Variants in RAP1GAP2 observed in about 807,000 individuals in gnomAD.
RAP1GAP2 encodes the protein RAP1 GTPase activating protein 2, also known as rap1 GTPase-activating protein 2.
In RAP1GAP2, 27 loss-of-function variants were observed where a neutral mutation model predicts 95.0. The observed-to-expected ratio is 0.28, with a 90% CI of 0.21 to 0.39. The LOEUF is 0.39. Among genes scored for constraint, RAP1GAP2 ranks in the 10% least tolerant of loss-of-function variants. The pLI is 1.00. For synonymous variants in RAP1GAP2, 373 were observed against 380.9 expected (o/e 0.98, Z 0.24); for missense variants, 771 against 970.0 (o/e 0.79, Z 2.72).
chr17:2,950,061 C>CTTCTTCTT (rs1555575129), intron 3 of RAP1GAP2, among the ~76,000 whole-genome samples: 14 of 141,298 alleles, frequency 9.9e-5, no homozygotes, highest in Admixed American at 1.4e-4. Context: ...TCTTCTTCTT[C>CTTCTTCTT]TTTTTTTTTT....
At position 3,032,732 on chromosome 17, in the gene RAP1GAP2, G is replaced by A. The variant is rs542640922; in HGVS notation, c.*30+283G>A. Among the ~76,000 whole-genome samples, 30 of 149,290 alleles carry A rather than the reference G, an allele frequency of 2.0e-4. No individual in the cohort carries two copies. In the East Asian group the frequency reaches 5.2e-3, roughly 26 times the overall value. Reference sequence around the variant, plus strand: ...GGTTCCCGCAGGCAGAAGGGGAGTCGCCCAAGCCCGCTTCTGACCCAGGAG... The same window carrying A: ...GGTTCCCGCAGGCAGAAGGGGAGTCACCCAAGCCCGCTTCTGACCCAGGAG... On this transcript the variant is annotated intron_variant, in intron 24 of 24. Transcript: ENST00000254695.
At chr17:2,811,324 T>G (rs1049174651) in intron 2 of RAP1GAP2, among the ~76,000 whole-genome samples, 2 of 152,162 alleles carry the variant, frequency 1.3e-5, no homozygotes, top group African/African-American at 4.8e-5. Context: ...GCTGAGACCC[T>G]GAGCAGGGGT....
intron 1 of RAP1GAP2, among the ~76,000 whole-genome samples, chr17:2,761,550 C>T (rs745540271): frequency 4.0e-5 from 6 of 151,110 alleles, no homozygotes; most frequent in Non-Finnish European, 7.4e-5. Context: ...GGCCTCCCAA[C>T]GTGCTGGGAT....
chr17:2,792,638 G>A (rs1052699433), upstream of RAP1GAP2, among the ~76,000 whole-genome samples: 2 of 152,212 alleles, frequency 1.3e-5, no homozygotes, highest in Non-Finnish European at 2.9e-5. Context: ...GGATCCCAGC[G>A]GCATCGAAGA....
intron 1 of RAP1GAP2, among the ~76,000 whole-genome samples, chr17:2,758,171 G>GAC (rs773615611): frequency 1.1e-4 from 12 of 104,636 alleles, no homozygotes; most frequent in African/African-American, 4.7e-4. Context: ...GCCTGGCCAC[G>GAC]CCCCCCCCCC....
intron 3 of RAP1GAP2, among the ~76,000 whole-genome samples, chr17:2,908,596 G>A (rs2042275587): frequency 6.6e-6 from 1 of 151,984 alleles, no homozygotes. Flanking sequence ...GAGATTTGGG[G>A]AGAAGGAGGC....
chr17:2,995,767 A>G (rs2045932140), intron 13 of RAP1GAP2, among the ~76,000 whole-genome samples: 1 of 152,098 alleles, frequency 6.6e-6, no homozygotes, highest in Non-Finnish European at 1.5e-5. Context: ...CATGGTGGTG[A>G]CAAGACTTCC....
intron 2 of RAP1GAP2, among the ~76,000 whole-genome samples, chr17:2,771,579 C>T (rs529299441): frequency 4.0e-5 from 6 of 151,206 alleles, no homozygotes; most frequent in South Asian, 2.1e-4. Context: ...CTGCAACCTC[C>T]GCCTCCTGGA....
chr17:2,996,949 C>G (rs1261073565), intron 13 of RAP1GAP2, among the ~76,000 whole-genome samples: 1 of 152,144 alleles, frequency 6.6e-6, no homozygotes, highest in Non-Finnish European at 1.5e-5. Flanking sequence ...TAGACAGGCA[C>G]CTAGCCAGGA....
In RAP1GAP2 at chr17:3,005,479, T is replaced by A. The variant is rs573630606; in HGVS notation, c.1272+39T>A. The A allele has an allele frequency of 1.2e-4, 182 of 1,571,580 alleles. 2 individuals carry two copies. The South Asian group carries it at 2.0e-3, about 17-fold the overall frequency. On this transcript the variant is annotated intron_variant, in intron 15 of 24. Coordinates refer to ENST00000254695, the MANE Select transcript of RAP1GAP2 (RefSeq NM_015085.5). The surrounding 1 kb of genome is among the most constrained non-coding windows in gnomAD (Gnocchi z 5.2). Reference sequence around the variant, plus strand: ...CCTTCTGCCCCTCTCGCATCCACGATGCCAGGTCTCAGTGCTTGAGTAGCA... The same window carrying A: ...CCTTCTGCCCCTCTCGCATCCACGAAGCCAGGTCTCAGTGCTTGAGTAGCA...
In RAP1GAP2 at chr17:3,008,154, G is replaced by A. The variant is rs199936642; in HGVS notation, c.1494+9G>A. The A allele has an allele frequency of 7.4e-6, 12 of 1,613,848 alleles. No homozygotes were observed. The African/African-American group carries it at 9.3e-5, about 13-fold the overall frequency. ...TCCTGGAGTCTTTTAAGGTATGAGC[G>A]TCAGAGTGACTGATGGTTGCTGTGG... On this transcript the variant is annotated intron_variant, in intron 17 of 24. Coordinates refer to ENST00000254695, the MANE Select transcript of RAP1GAP2 (RefSeq NM_015085.5). The surrounding 1 kb of genome is among the most constrained non-coding windows in gnomAD (Gnocchi z 4.2).
intron 17 of RAP1GAP2, among the ~76,000 whole-genome samples, chr17:3,015,772 G>A (rs530939865): frequency 3.9e-5 from 6 of 152,128 alleles, no homozygotes; most frequent in East Asian, 3.9e-4. Flanking sequence ...AGCTGAGATC[G>A]TGCCACACGC....
chr17:2,797,865 G>C lies in RAP1GAP2; in HGVS notation c.44+1294G>C. The C allele has an allele frequency of 4.8e-6, 4 of 836,920 alleles. No homozygotes were observed. The highest frequency in any genetic ancestry group is 5.8e-6 in the Non-Finnish European group (4 of 694,710). The allele number at this position is 836,920 out of a possible 1,614,324, so 51.8% of individuals were successfully genotyped here. On this transcript the variant is annotated intron_variant, in intron 1 of 24. Transcript: ENST00000254695. The surrounding 1 kb of genome is among the most constrained non-coding windows in gnomAD (Gnocchi z 5.6). Reference sequence around the variant, plus strand: ...GTGTGTCTTGGCTGTGGGCCTTGCAGGGCAGGGCCCAGCAATTAGATTGTG... The same window carrying C: ...GTGTGTCTTGGCTGTGGGCCTTGCACGGCAGGGCCCAGCAATTAGATTGTG...
In RAP1GAP2 at chr17:2,965,354, C is replaced by T. The variant is rs1265837008; in HGVS notation, c.493-186C>T. On this transcript the variant is annotated intron_variant, in intron 7 of 24. Transcript: ENST00000254695. This position sits in a 1 kb window ranked among gnomAD's most constrained non-coding sequence, Gnocchi z 4.7. ...GAGATAGTGGGTATTAAGCCCCTGG[C>T]ACGGTGCCTGGCGCCTCCTGAGGAT... 5 of 599,242 alleles carry T rather than the reference C, an allele frequency of 8.3e-6. No individual in the cohort carries two copies. The highest frequency in any genetic ancestry group is 1.5e-5 in the Non-Finnish European group (5 of 335,750). The allele number at this position is 599,242 out of a possible 1,614,324, so 37.1% of individuals were successfully genotyped here. A position where few individuals can be genotyped will look rare whatever the true frequency, so the allele number is the denominator to read the frequency against.
intron 3 of RAP1GAP2, among the ~76,000 whole-genome samples, chr17:2,953,830 A>G (rs2044007258): frequency 6.6e-6 from 1 of 152,214 alleles, no homozygotes; most frequent in African/African-American, 2.4e-5. Flanking sequence ...CTGGGTGAAA[A>G]GAGCGAAACT....
chr17:2,975,537 C>T (rs1051685437), intron 8 of RAP1GAP2, among the ~76,000 whole-genome samples: 3 of 152,228 alleles, frequency 2.0e-5, no homozygotes, highest in African/African-American at 7.2e-5. Context: ...AATACTTCTT[C>T]CCCACTCCTG....
At chr17:2,819,660 G>T (rs1393708004) in intron 2 of RAP1GAP2, among the ~76,000 whole-genome samples, 1 of 151,816 alleles carries the variant, frequency 6.6e-6, no homozygotes, top group African/African-American at 2.4e-5. Flanking sequence ...TTTTGGTAGA[G>T]ACGGGGTTTT....
chr17:3,010,731 T>C (rs1203661670), intron 17 of RAP1GAP2, among the ~76,000 whole-genome samples: 1 of 152,130 alleles, frequency 6.6e-6, no homozygotes, highest in East Asian at 1.9e-4. Flanking sequence ...TCACGACTCA[T>C]CTTTGATCCA....
intron 3 of RAP1GAP2, among the ~76,000 whole-genome samples, chr17:2,925,751 A>G (rs2042935348): frequency 6.6e-6 from 1 of 152,180 alleles, no homozygotes; most frequent in Non-Finnish European, 1.5e-5. Context: ...AAAAGCAGAA[A>G]GCAGGCCAGC....
Sources: allele counts gnomAD v4.1 joint callset (sites outside exome capture counted in the v4.1 genomes callset), GRCh38; gene constraint gnomAD v4.1.1; non-coding constraint Gnocchi (gnomAD v3.1); transcripts MANE v1.5; gene names NCBI Gene and HGNC (gene_info 2026-07-23, HGNC 2026-07-21).